Variants in STAG3 observed in about 807,000 individuals in gnomAD.
STAG3 encodes the protein STAG3 cohesin complex component.
Under a neutral mutation model 160.7 loss-of-function variants are expected in STAG3, and 101 were observed. The ratio of observed to expected loss-of-function variants is 0.63; its 90% CI spans 0.54 to 0.74. The LOEUF is 0.74. STAG3 is among the 30% of genes least tolerant of loss of function. STAG3 has a pLI of 0.00. For missense variants in STAG3, 1,188 were observed against 1,517.4 expected, an observed-to-expected ratio of 0.78 and a Z score of 3.61; for synonymous variants, 519 against 585.0, an observed-to-expected ratio of 0.89 and a Z score of 1.63.
At chr7:100,218,203 T>A (rs1802932997), downstream of STAG3, 1 of 158,976 alleles carries the variant, frequency 6.3e-6, no homozygotes, top group African/African-American at 2.4e-5. Flanking sequence ...TTCTGGTCAC[T>A]TCTCAGCATG....
At position 100,214,338 on chromosome 7, in the gene STAG3, A is replaced by G. The variant is rs1388929375; in HGVS notation, c.*323A>G. 3 of 425,296 alleles carry G rather than the reference A, an allele frequency of 7.1e-6. No individual in the cohort carries two copies. The highest frequency in any genetic ancestry group is 4.3e-5 in the East Asian group (1 of 23,232). 26.3% of individuals were successfully genotyped at this position (425,296 alleles called of 1,614,324 possible). A position where few individuals can be genotyped will look rare whatever the true frequency, so the allele number is the denominator to read the frequency against. On this transcript the variant is annotated 3_prime_UTR_variant, in exon 34 of 34. Coordinates refer to ENST00000615138, the MANE Select transcript of STAG3 (RefSeq NM_001282717.2). Reference sequence around the variant, plus strand: ...ATTTTTGGAACATCTTTCTCAGCCTATTTTGTGTCCTAATGATTCGCTCAA... The same window carrying G: ...ATTTTTGGAACATCTTTCTCAGCCTGTTTTGTGTCCTAATGATTCGCTCAA...
At chr7:100,182,230 G>T (rs369173165) in intron 3 of STAG3, 38 bp downstream of exon 3, 145 of 1,487,890 alleles carry the variant, frequency 9.7e-5, no homozygotes, top group Non-Finnish European at 1.2e-4. Flanking sequence ...TGAATCTTGT[G>T]GGGGAAGCAG....
chr7:100,205,001 C>G lies in STAG3; in HGVS notation c.2952-4C>G, dbSNP rs891637908. The G allele has an allele frequency of 1.9e-6, 3 of 1,612,930 alleles. No individual in the cohort carries two copies. In the East Asian group the frequency reaches 6.7e-5, roughly 36 times the overall value. ...TCTTCCTAAAATAATTCTGCCCAAC[C>G]AAGGGAAGGCATCCAGTTCTCCTTG... On this transcript the variant is annotated splice_polypyrimidine_tract_variant and splice_region_variant and intron_variant, in intron 27 of 33. Transcript: ENST00000615138.
chr7:100,199,075 A>G, intron 14 of STAG3, 118 bp downstream of exon 14: 3 of 1,034,620 alleles, frequency 2.9e-6, no homozygotes, highest in Non-Finnish European at 4.5e-6. Flanking sequence ...GGATCCTTTG[A>G]GCCCAGGAGT....
At chr7:100,211,227 T>A (rs1802169255) in intron 30 of STAG3, 42 bp downstream of exon 30, 1 of 1,534,770 alleles carries the variant, frequency 6.5e-7, no homozygotes. Flanking sequence ...GTTCCCAGTT[T>A]GGTGTCTGGC....
rs753967260 is a variant in STAG3 at position 100,200,532 on chromosome 7, G to T, written c.1850G>T (p.Arg617Leu). 1 of 1,613,886 alleles carries T rather than the reference G, an allele frequency of 6.2e-7. No homozygotes were observed. The highest frequency in any genetic ancestry group is 1.3e-5 in the African/African-American group (1 of 74,924). The change falls in exon 18 of 34, where the codon CGC (arginine) becomes CTC (leucine). Residue 617 changes from arginine to leucine, a missense_variant. Around this residue, in one of 4 missense-constraint regions of STAG3, gnomAD observed 240 missense variants for 358.1 expected, o/e 0.67. Transcript: ENST00000615138. ...GACCTCCACATCTACTGCACTGGGCGCTTGGAGAAGGTAGGGAGATAGATT... is the reference window on the plus strand; with the variant it reads ...GACCTCCACATCTACTGCACTGGGCTCTTGGAGAAGGTAGGGAGATAGATT... ...CFDLHIYCTG[R>L]LEKHLELFLQ...
At position 100,211,188 on chromosome 7, in the gene STAG3, G is replaced by A. The variant is rs1273301820; in HGVS notation, c.3413+3G>A. 6.4e-7 allele frequency: 1 copy of A among 1,556,430 alleles called. No homozygotes were observed. The highest frequency in any genetic ancestry group is 8.7e-7 in the Non-Finnish European group (1 of 1,153,302). Reference sequence around the variant, plus strand: ...TCAGAGTTGGATTTTGCCCAGGGGTGAGGCCATGGAGGGAATCTGGGTGTC... The same window carrying A: ...TCAGAGTTGGATTTTGCCCAGGGGTAAGGCCATGGAGGGAATCTGGGTGTC... On this transcript the variant is annotated splice_donor_region_variant and intron_variant, in intron 30 of 33. Coordinates refer to ENST00000615138, the MANE Select transcript of STAG3 (RefSeq NM_001282717.2).
intron 26 of STAG3, among the ~76,000 whole-genome samples, 180 bp from the exon 27 acceptor site, chr7:100,204,447 A>G (rs1299939770): frequency 1.3e-5 from 2 of 152,170 alleles, no homozygotes; most frequent in Non-Finnish European, 2.9e-5. Context: ...TATGGAGTAG[A>G]GGTGATTGGC....
rs1357148806 is a variant in STAG3 at position 100,189,563 on chromosome 7, G to A, written c.834G>A (p.Glu278=). The change falls in exon 8 of 34, where the codon GAG becomes GAA. Residue 278 remains glutamate (E), a synonymous_variant. Coordinates refer to ENST00000615138, the MANE Select transcript of STAG3 (RefSeq NM_001282717.2). The part of the protein sequence containing the change: ...RNKGPGQRAP[E]RLESLLEKRK... Reference sequence around the variant, plus strand: ...AGGGGCCAGGGCAGAGGGCACCTGAGCGGCTGGAGAGCCTGTTGGAGAAAC... The same window carrying A: ...AGGGGCCAGGGCAGAGGGCACCTGAACGGCTGGAGAGCCTGTTGGAGAAAC... 2.5e-6 allele frequency: 4 copies of A among 1,613,926 alleles called. No homozygotes were observed. The highest frequency in any genetic ancestry group is 1.7e-5 in the Admixed American group (1 of 59,948).
At chr7:100,205,487 G>A in intron 29 of STAG3, 103 bp downstream of exon 29, 1 of 1,206,064 alleles carries the variant, frequency 8.3e-7, no homozygotes, top group Admixed American at 3.0e-5. Flanking sequence ...TGTCATTCAG[G>A]GTATTAATTT....
chr7:100,204,846 G>A, intron 27 of STAG3, 71 bp downstream of exon 27: 1 of 1,601,310 alleles, frequency 6.2e-7, no homozygotes, highest in Non-Finnish European at 8.5e-7. Flanking sequence ...GGTCTCGGAG[G>A]GAGGGTATGT....
chr7:100,186,620 G>A (rs376913831), intron 5 of STAG3, among the ~76,000 whole-genome samples: 64 of 152,176 alleles, frequency 4.2e-4, no homozygotes, highest in Admixed American at 2.7e-3. Flanking sequence ...GGAGGTGGAG[G>A]TTATAGTGAG....
chr7:100,209,824 C>T (rs983425864), intron 29 of STAG3, among the ~76,000 whole-genome samples: 1 of 152,090 alleles, frequency 6.6e-6, no homozygotes, highest in Non-Finnish European at 1.5e-5. Flanking sequence ...GAGGATGGCT[C>T]CAAGGATTTT....
rs778660038 is a variant in STAG3, at chr7:100,189,613, G to A, written c.867+17G>A. 7 of 1,600,840 alleles carry A rather than the reference G, an allele frequency of 4.4e-6. No homozygotes were observed. Among genetic ancestry groups the A allele is most frequent in the East Asian group, 2.2e-5 (1 of 44,776 alleles). ...CGCAAAGAGGTGAGGAGTGTTCCCT[G>A]CTTCTTCCTTCCCTTTTTCCCAACT... On this transcript the variant is annotated intron_variant, in intron 8 of 33. Coordinates refer to ENST00000615138, the MANE Select transcript of STAG3 (RefSeq NM_001282717.2).
chr7:100,218,140 G>A (rs1015969625), downstream of STAG3: 4 of 150,340 alleles, frequency 2.7e-5, no homozygotes, highest in East Asian at 8.6e-4. Context: ...CACTAGACCA[G>A]GGAGCCCTCT....
At chr7:100,218,660 A>G (rs1178362058), downstream of STAG3, 3 of 394,178 alleles carry the variant, frequency 7.6e-6, no homozygotes, top group South Asian at 2.2e-5. Flanking sequence ...CCGCATCCTT[A>G]TAACTCCAGG....
rs776258441 is a variant in STAG3 at position 100,200,301 on chromosome 7, C to T, written c.1743C>T (p.Ile581=). Residue 581 remains isoleucine (I), a synonymous_variant, in exon 17 of 34, where the codon ATC becomes ATT. Transcript: ENST00000615138. ...DDRVKLTEHL[I]PLLPQLLAKF... is the part of the protein sequence containing the mutation. ...GGGTGAAGTTGACTGAGCACCTCAT[C>T]CCCCTGCTGCCCCAGCTCCTGGCCA... is the stretch of plus-strand genomic sequence containing the variant. 6.2e-6 allele frequency: 10 copies of T among 1,613,784 alleles called. No individual in the cohort carries two copies. The highest frequency in any genetic ancestry group is 8.5e-6 in the Non-Finnish European group (10 of 1,179,918).
At chr7:100,216,814 C>T (rs1802791631), downstream of STAG3, among the ~76,000 whole-genome samples, 1 of 152,100 alleles carries the variant, frequency 6.6e-6, no homozygotes, top group South Asian at 2.1e-4. Flanking sequence ...TTTTAATGAC[C>T]TTCATAACTG....
chr7:100,211,872 A>T lies in STAG3; in HGVS notation c.3596A>T (p.Asp1199Val), dbSNP rs1718499445. The T allele has an allele frequency of 1.2e-6, 2 of 1,614,052 alleles. No homozygotes were observed. The highest frequency in any genetic ancestry group is 1.7e-6 in the Non-Finnish European group (2 of 1,179,978). ...TCAAATGAAGAACGGCAGGATACAG[A>T]CATGGTGAGTAGACCACCCTGCCCT... ...DESNEERQDT[D>V]MQASSYSSTS... The change falls in exon 32 of 34, where the codon GAC becomes GTC. Residue 1199 changes from aspartate (D) to valine (V), a missense_variant. Physicochemically the swap from Asp to Val is radical, Grantham distance 152. Around this residue, in one of 4 missense-constraint regions of STAG3, gnomAD observed 647 missense variants for 717.2 expected, o/e 0.90. Transcript: ENST00000615138.
Sources: gnomAD v4.1 joint callset for allele counts (sites outside exome capture counted in the v4.1 genomes callset) on GRCh38, gnomAD v4.1.1 for gene constraint, gnomAD v4.1.1 regional missense constraint, MANE v1.5 for transcripts, NCBI Gene and HGNC (gene_info 2026-07-23, HGNC 2026-07-21) for gene names.